Variants in ST6GALNAC3 observed in about 807,000 individuals in gnomAD.
ST6GALNAC3 encodes alpha-N-acetylgalactosaminide alpha-2,6-sialyltransferase 3.
ST6GALNAC3 carries 25 observed loss-of-function variants against 32.7 expected under a neutral mutation model. That is an observed-to-expected ratio of 0.76 (90% CI 0.56 to 1.07). ST6GALNAC3 has a LOEUF of 1.07. Ranked by LOEUF, ST6GALNAC3 falls within the 50% of genes least tolerant of loss-of-function variation. The pLI is 0.00. For synonymous variants in ST6GALNAC3, 129 were observed against 133.1 expected, an observed-to-expected ratio of 0.97 and a Z score of 0.21; for missense variants, 355 against 382.4, an observed-to-expected ratio of 0.93 and a Z score of 0.60.
intron 1 of ST6GALNAC3, among the ~76,000 whole-genome samples, chr1:76,114,480 A>G (rs1023718298): frequency 5.9e-5 from 9 of 152,242 alleles, no homozygotes; most frequent in African/African-American, 2.2e-4. Context: ...CAGTTTCTAC[A>G]GTGAACATAT....
At chr1:76,443,559 A>T (rs1263842271) in intron 3 of ST6GALNAC3, among the ~76,000 whole-genome samples, 1 of 152,192 alleles carries the variant, frequency 6.6e-6, no homozygotes. Flanking sequence ...TGACTGGAGC[A>T]GGGAACTTGT....
intron 3 of ST6GALNAC3, among the ~76,000 whole-genome samples, chr1:76,417,077 C>T (rs1158844440): frequency 6.6e-6 from 1 of 152,022 alleles, no homozygotes; most frequent in East Asian, 1.9e-4. Context: ...ATTTAATTTG[C>T]TTTCTTTTTA....
At position 76,426,533 on chromosome 1, in the gene ST6GALNAC3, GCTGTTTTACAGATATATATATATATAT is replaced by G. The variant is rs1334605358; in HGVS notation, c.623+14121_623+14147del. The stretch of plus-strand genomic sequence containing the variant: ...ATACTGCCTGAAAGACCTGCCTGCA[GCTGTTTTACAGATATATATATATATAT>G]CTGTACATATATATATATATAGGGA... On this transcript the variant is annotated intron_variant, in intron 3 of 4. Coordinates refer to ENST00000328299, the MANE Select transcript of ST6GALNAC3 (RefSeq NM_152996.4). Among the ~76,000 whole-genome samples, 728 of 150,832 alleles carry G rather than the reference GCTGTTTTACAGATATATATATATATAT, an allele frequency of 4.8e-3. 6 individuals are homozygous for G. Among genetic ancestry groups the G allele is most frequent in the African/African-American group, 0.017 (691 of 41,096 alleles).
chr1:76,254,354 A>G (rs1227210942), intron 1 of ST6GALNAC3, among the ~76,000 whole-genome samples: 1 of 152,110 alleles, frequency 6.6e-6, no homozygotes, highest in Non-Finnish European at 1.5e-5. Context: ...CTTCATCAGG[A>G]TGGAAAAACT....
chr1:76,238,164 C>A (rs1656764069), intron 1 of ST6GALNAC3, among the ~76,000 whole-genome samples: 1 of 152,196 alleles, frequency 6.6e-6, no homozygotes, highest in South Asian at 2.1e-4. Context: ...GCACCTTCTA[C>A]CTTTTCTCTC....
At chr1:76,132,001 A>G (rs1054225218) in intron 1 of ST6GALNAC3, among the ~76,000 whole-genome samples, 3 of 152,166 alleles carry the variant, frequency 2.0e-5, no homozygotes, top group African/African-American at 7.2e-5. Context: ...TCTATGGGCT[A>G]CCATGCCCTC....
At chr1:76,457,008 C>G (rs1657861971) in intron 3 of ST6GALNAC3, among the ~76,000 whole-genome samples, 2 of 151,688 alleles carry the variant, frequency 1.3e-5, no homozygotes, top group South Asian at 2.1e-4. Context: ...AGCAAAGTCT[C>G]AGGATACAAA....
At chr1:76,412,719 A>C (rs1241526548) in intron 3 of ST6GALNAC3, among the ~76,000 whole-genome samples, 1 of 152,068 alleles carries the variant, frequency 6.6e-6, no homozygotes, top group Non-Finnish European at 1.5e-5. Context: ...ATTTCAGCTG[A>C]AAGAGGAAGC....
At chr1:76,173,010 A>G (rs554057487) in intron 1 of ST6GALNAC3, among the ~76,000 whole-genome samples, 14 of 152,322 alleles carry the variant, frequency 9.2e-5, no homozygotes, top group Non-Finnish European at 1.8e-4. Flanking sequence ...GGAATCAAAG[A>G]AGACCCCATA....
chr1:76,364,640 A>G (rs1431933488), intron 2 of ST6GALNAC3, among the ~76,000 whole-genome samples: 1 of 151,408 alleles, frequency 6.6e-6, no homozygotes, highest in African/African-American at 2.4e-5. Flanking sequence ...ACTCAACAAG[A>G]AAAAAAAACC....
chr1:76,575,155 A>G (rs1646780487), intron 3 of ST6GALNAC3, among the ~76,000 whole-genome samples: 3 of 152,170 alleles, frequency 2.0e-5, no homozygotes, highest in Admixed American at 1.3e-4. Context: ...GTTCACCTTT[A>G]TATGCAGAGG....
At chr1:76,103,356 T>G (rs1246985693) in intron 1 of ST6GALNAC3, among the ~76,000 whole-genome samples, 1 of 152,188 alleles carries the variant, frequency 6.6e-6, no homozygotes, top group Non-Finnish European at 1.5e-5. Context: ...ACCTCCTCAC[T>G]GTATCCTGTA....
chr1:76,427,997 G>A (rs991930559), intron 3 of ST6GALNAC3, among the ~76,000 whole-genome samples: 6 of 152,110 alleles, frequency 3.9e-5, no homozygotes, highest in African/African-American at 1.4e-4. Flanking sequence ...GAGGAGATCT[G>A]TTTATTCTCA....
At chr1:76,186,263 T>G (rs1318922499) in intron 1 of ST6GALNAC3, among the ~76,000 whole-genome samples, 2 of 152,048 alleles carry the variant, frequency 1.3e-5, no homozygotes, top group South Asian at 2.1e-4. Context: ...CACCCTGGAG[T>G]TTCTCCATAA....
intron 2 of ST6GALNAC3, among the ~76,000 whole-genome samples, chr1:76,365,018 G>T (rs1219438378): frequency 6.6e-6 from 1 of 152,096 alleles, no homozygotes; most frequent in African/African-American, 2.4e-5. Flanking sequence ...AAAAACACCT[G>T]CATTCATATA....
At chr1:76,567,691 T>C (rs1665633678) in intron 3 of ST6GALNAC3, among the ~76,000 whole-genome samples, 2 of 152,186 alleles carry the variant, frequency 1.3e-5, no homozygotes, top group South Asian at 4.1e-4. Context: ...TTATGAGAAA[T>C]AGATATCTCT....
intron 3 of ST6GALNAC3, among the ~76,000 whole-genome samples, chr1:76,470,149 A>AT (rs1009052396): frequency 9.9e-5 from 15 of 151,814 alleles, no homozygotes; most frequent in South Asian, 4.2e-4. Context: ...TAATGATATA[A>AT]TTTTTTTTTA....
intron 1 of ST6GALNAC3, among the ~76,000 whole-genome samples, chr1:76,136,159 G>A (rs1470437470): frequency 6.6e-6 from 1 of 152,212 alleles, no homozygotes; most frequent in Non-Finnish European, 1.5e-5. Context: ...CTAATAAAAA[G>A]CGACAGCTAC....
At position 76,630,685 on chromosome 1, in the gene ST6GALNAC3, C is replaced by A; in HGVS notation, c.*1879C>A. Reference sequence around the variant, plus strand: ...ATCTTGGATAAAGGCCTTTTGCCTACTCTCTTCTGCAATTTTGACACCTCA... The same window carrying A: ...ATCTTGGATAAAGGCCTTTTGCCTAATCTCTTCTGCAATTTTGACACCTCA... On this transcript the variant is annotated 3_prime_UTR_variant, in exon 5 of 5. Coordinates refer to ENST00000328299, the MANE Select transcript of ST6GALNAC3 (RefSeq NM_152996.4). 2.0e-6 allele frequency: 2 copies of A among 985,624 alleles called. No homozygotes were observed. The highest frequency in any genetic ancestry group is 2.4e-6 in the Non-Finnish European group (2 of 829,818). The allele number at this position is 985,624 out of a possible 1,614,324, so 61.1% of individuals were successfully genotyped here.
Sources: gnomAD v4.1 joint callset for allele counts (sites outside exome capture counted in the v4.1 genomes callset) on GRCh38, gnomAD v4.1.1 for gene constraint, MANE v1.5 for transcripts, NCBI Gene and HGNC (gene_info 2026-07-23, HGNC 2026-07-21) for gene names.